PASD1: variants seen among roughly 807,000 people sequenced by gnomAD.
The protein encoded by PASD1 is PAS domain containing repressor 1, also known as circadian clock protein PASD1.
In PASD1, 13 loss-of-function variants were observed where a neutral mutation model predicts 58.8. The ratio of observed to expected loss-of-function variants is 0.22; its 90% CI spans 0.14 to 0.35. The LOEUF is 0.35. Among genes scored for constraint, PASD1 ranks in the 10% least tolerant of loss-of-function variants. PASD1 has a pLI of 1.00. For missense variants in PASD1, 734 were observed against 568.3 expected (o/e 1.29, Z -2.96); for synonymous variants, 236 against 216.7 (o/e 1.09, Z -0.78).
At chrX:151,619,576 G>A (rs1398255360) in intron 4 of PASD1, among the ~76,000 whole-genome samples, 8 of 111,290 alleles carry the variant, frequency 7.2e-5, no homozygotes. Context: ...TCATGTGTGT[G>A]GTGTCCTGGA....
At chrX:151,646,962 A>T (rs1254911703) in intron 8 of PASD1, among the ~76,000 whole-genome samples, 1 of 112,445 alleles carries the variant, frequency 8.9e-6, no homozygotes, top group Non-Finnish European at 1.9e-5. Flanking sequence ...GGCAGAAGAG[A>T]GTTGAGAAAG....
chrX:151,647,773 A>T (rs2014078710), intron 8 of PASD1, among the ~76,000 whole-genome samples: 1 of 110,988 alleles, frequency 9.0e-6, no homozygotes, highest in African/African-American at 3.3e-5. Flanking sequence ...GAAATACATA[A>T]TGGAAAATTT....
chrX:151,594,839 A>G (rs980005268), intron 1 of PASD1, among the ~76,000 whole-genome samples: 2 of 110,873 alleles, frequency 1.8e-5, no homozygotes, highest in African/African-American at 6.6e-5. Flanking sequence ...TATGCTTCTC[A>G]TTGACTTCTT....
Position 151,659,848 on chromosome X carries a change from T to G in PASD1, c.841+12T>G. 8.3e-7 allele frequency: 1 copy of G among 1,199,739 alleles called. No individual in the cohort carries two copies. The highest frequency in any genetic ancestry group is 1.1e-6 in the Non-Finnish European group (1 of 888,095). On this transcript the variant is annotated intron_variant, in intron 10 of 15. Transcript: ENST00000370357. ...GCCTGAATCTCCAGGTAGGTACATTTATGCATTTGGATAGGGACTATTAGA... is the reference window on the plus strand; with the variant it reads ...GCCTGAATCTCCAGGTAGGTACATTGATGCATTTGGATAGGGACTATTAGA...
At chrX:151,616,014 G>C (rs955942814) in intron 4 of PASD1, among the ~76,000 whole-genome samples, 5 of 112,053 alleles carry the variant, frequency 4.5e-5, no homozygotes, top group Non-Finnish European at 7.5e-5. Flanking sequence ...GTAAGAGCCT[G>C]AAAGCAGGAA....
chrX:151,573,617 G>C (rs1434515436), intron 1 of PASD1, among the ~76,000 whole-genome samples: 1 of 112,587 alleles, frequency 8.9e-6, no homozygotes, highest in African/African-American at 3.2e-5. Flanking sequence ...ATCAGAAAAG[G>C]CTTATTGGAG....
chrX:151,587,139 C>A (rs768284356), intron 1 of PASD1, among the ~76,000 whole-genome samples: 19 of 110,412 alleles, frequency 1.7e-4, no homozygotes, highest in African/African-American at 6.2e-4. Context: ...ACTAAGAGAA[C>A]ATGACATATG....
At chrX:151,570,237 A>G (rs944127747) in intron 1 of PASD1, among the ~76,000 whole-genome samples, 3 of 111,562 alleles carry the variant, frequency 2.7e-5, no homozygotes, top group African/African-American at 9.8e-5. Flanking sequence ...GGAGAAACCT[A>G]ATTAGAAACC....
Position 151,601,628 on chromosome X carries a change from C to T in PASD1, c.28+47C>T, listed in dbSNP as rs766423143. ...ACATTTCTGTCAAAGCCCTCTCCCT[C>T]GTCCTGTGTTCCCGTTTCACATCTA... On this transcript the variant is annotated intron_variant, in intron 2 of 15. Transcript: ENST00000370357. 3.5e-5 allele frequency: 40 copies of T among 1,156,802 alleles called. No individual in the cohort carries two copies. The South Asian group carries it at 3.8e-4, about 11-fold the overall frequency.
chrX:151,642,852 C>T (rs2014014228), intron 8 of PASD1, among the ~76,000 whole-genome samples: 1 of 111,688 alleles, frequency 9.0e-6, no homozygotes, highest in South Asian at 3.8e-4. Context: ...CTTACTGCTG[C>T]AGCTGAATTG....
chrX:151,594,940 C>G (rs534948804), intron 1 of PASD1, among the ~76,000 whole-genome samples: 8 of 111,747 alleles, frequency 7.2e-5, no homozygotes, highest in Non-Finnish European at 1.1e-4. Context: ...TCCAACCCCC[C>G]CTTCCCAGCA....
Position 151,638,679 on chromosome X carries a change from A to C in PASD1, c.630-9936A>C, listed in dbSNP as rs569556790. The stretch of plus-strand genomic sequence containing the variant: ...CTCAACAGTGTATTTTGCAGAACAA[A>C]GGGTTTTTATTTTAAGAAAGGAATA... On this transcript the variant is annotated intron_variant, in intron 8 of 15. Transcript: ENST00000370357. 1.4e-4 allele frequency among the ~76,000 whole-genome samples: 16 copies of C among 111,566 alleles called. No individual in the cohort carries two copies. The South Asian group carries it at 5.6e-3, about 39-fold the overall frequency.
chrX:151,649,270 CAG>C, intron 9 of PASD1, among the ~76,000 whole-genome samples: 1 of 111,774 alleles, frequency 8.9e-6, no homozygotes, highest in African/African-American at 3.3e-5. Flanking sequence ...TAAAAAGTGA[CAG>C]GGTGGTTCCT....
At chrX:151,642,944 C>T (rs919421716) in intron 8 of PASD1, among the ~76,000 whole-genome samples, 13 of 111,213 alleles carry the variant, frequency 1.2e-4, no homozygotes, top group African/African-American at 3.9e-4. Flanking sequence ...GGGCTTCCAA[C>T]CCCTGAAGTT....
chrX:151,620,558 T>G (rs993475800), intron 4 of PASD1, among the ~76,000 whole-genome samples: 3 of 111,121 alleles, frequency 2.7e-5, no homozygotes, highest in Non-Finnish European at 3.8e-5. Context: ...AAATGATTTT[T>G]GGGCAGACTT....
chrX:151,592,013 A>C (rs1044369714), intron 1 of PASD1, among the ~76,000 whole-genome samples: 4 of 111,851 alleles, frequency 3.6e-5, no homozygotes, highest in African/African-American at 9.7e-5. Context: ...TGCTATATGT[A>C]TGTGTTTACC....
intron 3 of PASD1, among the ~76,000 whole-genome samples, chrX:151,611,013 G>A (rs1295511341): frequency 9.0e-6 from 1 of 111,004 alleles, no homozygotes; most frequent in Non-Finnish European, 1.9e-5. Context: ...CTTTGCTTTT[G>A]TCCCCCAAGC....
intron 7 of PASD1, among the ~76,000 whole-genome samples, chrX:151,624,581 T>TA (rs2013759751): frequency 1.8e-5 from 2 of 111,252 alleles, no homozygotes; most frequent in Admixed American, 1.9e-4. Flanking sequence ...AAGGAGTAAA[T>TA]AAGACAGTTT....
chrX:151,646,341 T>C (rs1012418425), intron 8 of PASD1, among the ~76,000 whole-genome samples: 2 of 112,343 alleles, frequency 1.8e-5, no homozygotes, highest in Non-Finnish European at 3.8e-5. Flanking sequence ...TCACAACATA[T>C]TGCTGTCAAA....
Sources: allele counts gnomAD v4.1 joint callset (sites outside exome capture counted in the v4.1 genomes callset), GRCh38; gene constraint gnomAD v4.1.1; transcripts MANE v1.5; gene names NCBI Gene and HGNC (gene_info 2026-07-23, HGNC 2026-07-21).